MARCHF1: variants seen among roughly 807,000 people sequenced by gnomAD.
The protein encoded by MARCHF1 is E3 ubiquitin-protein ligase MARCHF1.
Under a neutral mutation model 54.2 loss-of-function variants are expected in MARCHF1, and 40 were observed. The observed-to-expected ratio is 0.74, with a 90% CI of 0.57 to 0.96. The LOEUF (loss-of-function observed/expected upper bound fraction) is 0.96, where lower values mean the gene tolerates loss of function less well. MARCHF1 is among the 40% of genes least tolerant of loss of function. The pLI is 0.00. For missense variants in MARCHF1, 586 were observed against 656.5 expected, an observed-to-expected ratio of 0.89 and a Z score of 1.17; for synonymous variants, 236 against 236.3, an observed-to-expected ratio of 1.00 and a Z score of 0.01.
chr4:164,265,748 C>G (rs1733595502), intron 1 of MARCHF1, among the ~76,000 whole-genome samples: 2 of 152,008 alleles, frequency 1.3e-5, no homozygotes, highest in Non-Finnish European at 2.9e-5. Context: ...TGGACCAAGA[C>G]AAGCTCTTCC....
At chr4:164,099,881 G>A (rs1344631117) in intron 2 of MARCHF1, among the ~76,000 whole-genome samples, 1 of 152,070 alleles carries the variant, frequency 6.6e-6, no homozygotes, top group Non-Finnish European at 1.5e-5. Context: ...GTGAAAAGTA[G>A]CAAGTGATAA....
At chr4:164,296,240 G>A (rs963649580) in intron 1 of MARCHF1, among the ~76,000 whole-genome samples, 1 of 152,210 alleles carries the variant, frequency 6.6e-6, no homozygotes, top group Non-Finnish European at 1.5e-5. Context: ...AACAGGCTGA[G>A]GGCCATTGGC....
chr4:163,812,733 G>A (rs947056562), intron 4 of MARCHF1, among the ~76,000 whole-genome samples: 36 of 152,066 alleles, frequency 2.4e-4, no homozygotes, highest in African/African-American at 8.5e-4. Flanking sequence ...ACTCCAGCCT[G>A]GGAGACACAG....
intron 4 of MARCHF1, among the ~76,000 whole-genome samples, chr4:163,711,800 C>T (rs1379417686): frequency 1.3e-5 from 2 of 152,176 alleles, no homozygotes; most frequent in Non-Finnish European, 2.9e-5. Context: ...TCAATATATT[C>T]TGCTCATACT....
chr4:163,591,819 A>T (rs1475387765), intron 7 of MARCHF1, among the ~76,000 whole-genome samples: 1 of 152,168 alleles, frequency 6.6e-6, no homozygotes, highest in Non-Finnish European at 1.5e-5. Flanking sequence ...TTTAATTTGC[A>T]TTTGAGGAAC....
chr4:164,247,473 G>A (rs1732985227), intron 1 of MARCHF1, among the ~76,000 whole-genome samples: 1 of 151,690 alleles, frequency 6.6e-6, no homozygotes, highest in Non-Finnish European at 1.5e-5. Flanking sequence ...GCGGGGAGAG[G>A]GGAGGGATAG....
chr4:164,313,049 G>T lies in MARCHF1; in HGVS notation c.-323+70821C>A, dbSNP rs141018640. 5.7e-3 allele frequency among the ~76,000 whole-genome samples: 864 copies of T among 150,840 alleles called. 4 individuals are homozygous for T. The highest frequency in any genetic ancestry group is 9.1e-3 in the Non-Finnish European group (615 of 67,778). ...TCAATAAAAATATTTCTTTAAAAAC[G>T]TGTAGGCTGGGAGCGGTGGTGGCTC... On this transcript the variant is annotated intron_variant, in intron 1 of 9. Coordinates refer to ENST00000514618, the MANE Select transcript of MARCHF1 (RefSeq NM_001394959.1).
intron 2 of MARCHF1, among the ~76,000 whole-genome samples, chr4:164,097,703 G>A (rs1755446002): frequency 6.6e-6 from 1 of 152,120 alleles, no homozygotes. Context: ...ATGGCACTAT[G>A]GTGACTCTGT....
chr4:163,802,641 A>C, intron 4 of MARCHF1, among the ~76,000 whole-genome samples: 1 of 152,236 alleles, frequency 6.6e-6, no homozygotes, highest in East Asian at 1.9e-4. Flanking sequence ...TTGAATGTAC[A>C]TTAGACATAT....
intron 4 of MARCHF1, among the ~76,000 whole-genome samples, chr4:163,712,591 T>G (rs986306874): frequency 2.6e-5 from 4 of 152,196 alleles, no homozygotes; most frequent in African/African-American, 7.2e-5. Context: ...ACTCCATTAT[T>G]CAACTCTTTC....
intron 1 of MARCHF1, among the ~76,000 whole-genome samples, chr4:164,164,403 A>G (rs72691824): frequency 6.6e-6 from 1 of 152,130 alleles, no homozygotes; most frequent in Non-Finnish European, 1.5e-5. Context: ...ACAAAATGGC[A>G]TAAGACACTA....
chr4:163,542,109 T>C (rs1579045150), intron 9 of MARCHF1, among the ~76,000 whole-genome samples: 1 of 152,264 alleles, frequency 6.6e-6, no homozygotes, highest in Non-Finnish European at 1.5e-5. Context: ...ATAAAAATCA[T>C]GTCATTTTCA....
In MARCHF1 at chr4:163,558,146, G is replaced by A. The variant is rs561082121; in HGVS notation, c.1192-12403C>T. Among the ~76,000 whole-genome samples, 3 of 152,152 alleles carry A rather than the reference G, an allele frequency of 2.0e-5. No individual in the cohort carries two copies. The East Asian group carries it at 5.8e-4, about 29-fold the overall frequency. On this transcript the variant is annotated intron_variant, in intron 8 of 9. Transcript: ENST00000514618. ...GCATGAGGTGGAAGGGCACAGGTGA[G>A]GGGGGAAGAGTGGGCAGGACCAGAT...
intron 7 of MARCHF1, among the ~76,000 whole-genome samples, chr4:163,609,433 T>C (rs779389277): frequency 6.6e-5 from 10 of 152,016 alleles, no homozygotes; most frequent in African/African-American, 9.7e-5. Flanking sequence ...ATTCACTTGG[T>C]GGAAGGCTAA....
rs111568724 is a variant in MARCHF1, at chr4:163,556,346, G to A, written c.1192-10603C>T. Among the ~76,000 whole-genome samples, 433 of 152,228 alleles carry A rather than the reference G, an allele frequency of 2.8e-3. 2 individuals are homozygous for A. Among genetic ancestry groups the A allele is most frequent in the African/African-American group, 9.7e-3 (401 of 41,546 alleles). ...AATTCTGTTGTGTATGTTTAGAAAT[G>A]TCTTTCTAGAATATTCCTTTGGGTG... On this transcript the variant is annotated intron_variant, in intron 8 of 9. Transcript: ENST00000514618.
At chr4:164,087,583 T>G in intron 2 of MARCHF1, among the ~76,000 whole-genome samples, 1 of 152,106 alleles carries the variant, frequency 6.6e-6, no homozygotes, top group Non-Finnish European at 1.5e-5. Flanking sequence ...AATAAACACA[T>G]GGAATCAATT....
At chr4:164,293,491 T>C (rs1461483931) in intron 1 of MARCHF1, among the ~76,000 whole-genome samples, 2 of 152,228 alleles carry the variant, frequency 1.3e-5, no homozygotes, top group Non-Finnish European at 2.9e-5. Context: ...AAAGCTCTCC[T>C]GGCTCGGAGT....
At chr4:164,172,833 C>T (rs753284156) in intron 1 of MARCHF1, among the ~76,000 whole-genome samples, 10 of 152,066 alleles carry the variant, frequency 6.6e-5, no homozygotes, top group Middle Eastern at 3.4e-3. Context: ...AAAAATTAGC[C>T]GGGCCCACGT....
At chr4:163,662,906 A>G (rs1401658066) in intron 5 of MARCHF1, among the ~76,000 whole-genome samples, 1 of 152,022 alleles carries the variant, frequency 6.6e-6, no homozygotes, top group African/African-American at 2.4e-5. Flanking sequence ...TAAGGATGCG[A>G]CTGTCTGCAC....
Sources: gnomAD v4.1 joint callset for allele counts (sites outside exome capture counted in the v4.1 genomes callset) on GRCh38, gnomAD v4.1.1 for gene constraint, MANE v1.5 for transcripts, NCBI Gene and HGNC (gene_info 2026-07-23, HGNC 2026-07-21) for gene names.